The following ZNF107 variants were observed in gnomAD, a reference collection of about 807,000 sequenced individuals.
ZNF107 encodes zinc finger protein 107.
Under a neutral mutation model 12.3 loss-of-function variants are expected in ZNF107, and 19 were observed. The ratio of observed to expected loss-of-function variants is 1.55; its 90% CI spans 1.08 to 2.27. The LOEUF is 2.27. Among genes scored for constraint, ZNF107 ranks in the 30% most tolerant of loss-of-function variants. The probability of loss-of-function intolerance (pLI) is 0.00; values close to 1 mark genes in which losing one functional copy is unlikely to be tolerated. For synonymous variants in ZNF107, 317 were observed against 330.5 expected (o/e 0.96, Z 0.44); for missense variants, 958 against 979.9 (o/e 0.98, Z 0.30).
At chr7:64,692,276 A>T (rs116091803) in intron 3 of ZNF107, among the ~76,000 whole-genome samples, 1,616 of 152,234 alleles carry the variant, frequency 0.011, 33 homozygotes, top group African/African-American at 0.037. Context: ...ATACATCTGC[A>T]TAATTTTGAA....
At chr7:64,697,142 T>G (rs1003420934) in intron 3 of ZNF107, among the ~76,000 whole-genome samples, 5 of 152,234 alleles carry the variant, frequency 3.3e-5, no homozygotes, top group African/African-American at 1.2e-4. Flanking sequence ...ACAAAGGACA[T>G]GAACTCATCC....
At position 64,706,620 on chromosome 7, in the gene ZNF107, T is replaced by G. The variant is rs754815892; in HGVS notation, c.523T>G (p.Cys175Gly). Residue 175 changes from cysteine (C) to glycine (G), a missense_variant, in exon 4 of 4, where the codon TGT becomes GGT. Physicochemically the swap from Cys to Gly is radical, Grantham distance 159. Coordinates refer to ENST00000620827, the MANE Select transcript of ZNF107 (RefSeq NM_001282359.2). Reference sequence around the variant, plus strand: ...ACATACAGGAAACAAACACTTCAAATGTAAAGAATGTAGCAAATCATTTTG... The same window carrying G: ...ACATACAGGAAACAAACACTTCAAAGGTAAAGAATGTAGCAAATCATTTTG... ...RRHTGNKHFK[C>G]KECSKSFCVL... 1 of 1,613,258 alleles carries G rather than the reference T, an allele frequency of 6.2e-7. No homozygotes were observed. Among genetic ancestry groups the G allele is most frequent in the Non-Finnish European group, 8.5e-7 (1 of 1,179,616 alleles).
Position 64,707,901 on chromosome 7 carries a change from T to G in ZNF107, c.1804T>G (p.Phe602Val). Residue 602 changes from phenylalanine (F) to valine (V), a missense_variant, in exon 4 of 4, where the codon TTT (phenylalanine) becomes GTT (valine). By Grantham distance (50) the Phe-to-Val change is conservative. Coordinates refer to ENST00000620827, the MANE Select transcript of ZNF107 (RefSeq NM_001282359.2). ...LNKCEEFGKA[F>V]KQSSHRTIHK... is the part of the protein sequence containing the mutation. ...CAAATGTGAAGAATTTGGCAAGGCC[T>G]TTAAACAGTCCTCACACCGTACTAT... The G allele has an allele frequency of 1.2e-6, 2 of 1,613,798 alleles. No individual in the cohort carries two copies. Among genetic ancestry groups the G allele is most frequent in the Non-Finnish European group, 1.7e-6 (2 of 1,179,808 alleles).
intron 1 of ZNF107, chr7:64,679,419 A>G (rs1197437244): frequency 1.1e-6 from 1 of 934,020 alleles, no homozygotes; most frequent in Non-Finnish European, 1.3e-6. Context: ...TAAATCTAAC[A>G]TTGGTCATGG....
intron 3 of ZNF107, among the ~76,000 whole-genome samples, chr7:64,703,924 G>T: frequency 6.7e-6 from 1 of 149,620 alleles, no homozygotes; most frequent in African/African-American, 2.5e-5. Context: ...TTTCTTATTT[G>T]GTTTTGTATA....
intron 1 of ZNF107, among the ~76,000 whole-genome samples, chr7:64,670,806 G>A (rs1197030183): frequency 6.6e-6 from 1 of 152,004 alleles, no homozygotes; most frequent in Admixed American, 6.6e-5. Flanking sequence ...TAAACTGGTC[G>A]ACATAACCAC....
intron 1 of ZNF107, among the ~76,000 whole-genome samples, chr7:64,677,851 C>CAAAAAA (rs36080718): frequency 2.6e-5 from 2 of 77,946 alleles, no homozygotes; most frequent in Non-Finnish European, 4.7e-5. Context: ...GACTCTGTCT[C>CAAAAAA]AAAAAAAAAA....
intron 1 of ZNF107, among the ~76,000 whole-genome samples, chr7:64,686,200 T>C (rs1789902899): frequency 6.6e-6 from 1 of 152,150 alleles, no homozygotes; most frequent in Non-Finnish European, 1.5e-5. Context: ...AGATGCTGCC[T>C]CGCAGTTAAA....
rs1018380136 is a variant in ZNF107, at chr7:64,709,156, C to T, written c.*500C>T. On this transcript the variant is annotated 3_prime_UTR_variant, in exon 4 of 4. Coordinates refer to ENST00000620827, the MANE Select transcript of ZNF107 (RefSeq NM_001282359.2). ...GTGAAGAATGTGGCAAAGCTTTTAA[C>T]CTTCCTTAACCCTTAACTGTAGATA... 14 of 451,666 alleles carry T rather than the reference C, an allele frequency of 3.1e-5. No homozygotes were observed. The highest frequency in any genetic ancestry group is 2.8e-4 in the African/African-American group (14 of 49,134). The allele number at this position is 451,666 out of a possible 1,614,324, so 28.0% of individuals were successfully genotyped here.
At chr7:64,667,575 T>G (rs986765912) in intron 1 of ZNF107, among the ~76,000 whole-genome samples, 4 of 152,208 alleles carry the variant, frequency 2.6e-5, no homozygotes, top group Non-Finnish European at 4.4e-5. Flanking sequence ...TGGGTTTCAG[T>G]ACTGTCTGGG....
chr7:64,675,348 G>A (rs1789379100), intron 1 of ZNF107, among the ~76,000 whole-genome samples: 1 of 152,068 alleles, frequency 6.6e-6, no homozygotes, highest in Non-Finnish European at 1.5e-5. Context: ...ATTTGTTCAG[G>A]AATTTATCCA....
In ZNF107 at chr7:64,697,137, G is replaced by A. The variant is rs1287446635; in HGVS notation, c.226+5177G>A. ...CCAGCTTCATCCATGTCCCTACAAA[G>A]GACATGAACTCATCCTTTTTTATGG... On this transcript the variant is annotated intron_variant, in intron 3 of 3. Transcript: ENST00000620827. 2.6e-5 allele frequency among the ~76,000 whole-genome samples: 4 copies of A among 152,156 alleles called. No individual in the cohort carries two copies. In the East Asian group the frequency reaches 7.7e-4, roughly 29 times the overall value.
rs752741156 is a variant in ZNF107 at position 64,706,917 on chromosome 7, A to C, written c.820A>C (p.Ile274Leu). 1 of 1,612,166 alleles carries C rather than the reference A, an allele frequency of 6.2e-7. No individual in the cohort carries two copies. Among genetic ancestry groups the C allele is most frequent in the South Asian group, 1.1e-5 (1 of 90,760 alleles). The change falls in exon 4 of 4, where the codon ATA becomes CTA. Residue 274 changes from isoleucine to leucine, a missense_variant. By Grantham distance (5) the Ile-to-Leu change is conservative. Coordinates refer to ENST00000620827, the MANE Select transcript of ZNF107 (RefSeq NM_001282359.2). ...CTTTAAACAGGCCTCACACCTTACT[A>C]TACATAAAATAATTCATACTGGAGA... ...KAFKQASHLT[I>L]HKIIHTGEKP...
chr7:64,689,137 A>T (rs1034554798), intron 1 of ZNF107, among the ~76,000 whole-genome samples: 1 of 152,188 alleles, frequency 6.6e-6, no homozygotes, highest in Admixed American at 6.5e-5. Context: ...CATATTATTT[A>T]GAATGTGCTA....
intron 1 of ZNF107, among the ~76,000 whole-genome samples, chr7:64,676,411 T>C (rs1370962929): frequency 2.0e-5 from 3 of 152,218 alleles, no homozygotes; most frequent in Admixed American, 1.3e-4. Context: ...GTGTTACATT[T>C]AGGTCCTGAT....
intron 1 of ZNF107, among the ~76,000 whole-genome samples, chr7:64,683,540 A>G (rs1789772341): frequency 6.6e-6 from 1 of 152,010 alleles, no homozygotes. Flanking sequence ...GTCCTTTCCA[A>G]CTCACAAGGC....
chr7:64,708,954 A>G lies in ZNF107; in HGVS notation c.*298A>G. On this transcript the variant is annotated 3_prime_UTR_variant, in exon 4 of 4. Coordinates refer to ENST00000620827, the MANE Select transcript of ZNF107 (RefSeq NM_001282359.2). ...ACATAAGGTAATTCATACTGGAGAA[A>G]AGCCATACAAATGAGAAGAATGTGG... is the stretch of plus-strand genomic sequence containing the variant. 2 of 502,296 alleles carry G rather than the reference A, an allele frequency of 4.0e-6. No homozygotes were observed. The highest frequency in any genetic ancestry group is 4.2e-5 in the South Asian group (2 of 47,078). 31.1% of individuals were successfully genotyped at this position (502,296 alleles called of 1,614,324 possible).
rs1206651798 is a variant in ZNF107, at chr7:64,691,275, A to G, written c.31A>G (p.Ile11Val). 5.2e-6 allele frequency: 8 copies of G among 1,545,266 alleles called. No individual in the cohort carries two copies. The highest frequency in any genetic ancestry group is 4.8e-5 in the East Asian group (2 of 41,998). Reference sequence around the variant, plus strand: ...ACCACTGACATTTAAAGATGTCGCCATAGAATTCTCTCTGGAGGAGTGGCA... The same window carrying G: ...ACCACTGACATTTAAAGATGTCGCCGTAGAATTCTCTCTGGAGGAGTGGCA... Reference protein sequence around the residue: MEPLTFKDVAIEFSLEEWQCL... With the variant: MEPLTFKDVAVEFSLEEWQCL... Residue 11 changes from isoleucine to valine, a missense_variant, in exon 2 of 4, where the codon ATA (isoleucine) becomes GTA (valine). Physicochemically the swap from Ile to Val is conservative, Grantham distance 29. Coordinates refer to ENST00000620827, the MANE Select transcript of ZNF107 (RefSeq NM_001282359.2).
At chr7:64,696,942 T>C (rs1790309307) in intron 3 of ZNF107, among the ~76,000 whole-genome samples, 1 of 152,152 alleles carries the variant, frequency 6.6e-6, no homozygotes, top group South Asian at 2.1e-4. Flanking sequence ...ACATTTGGTA[T>C]ATCTCCTAAT....
Sources: gnomAD v4.1 joint callset for allele counts (sites outside exome capture counted in the v4.1 genomes callset) on GRCh38, gnomAD v4.1.1 for gene constraint, MANE v1.5 for transcripts, NCBI Gene and HGNC (gene_info 2026-07-23, HGNC 2026-07-21) for gene names.